The following SLC38A1 variants were observed in gnomAD, a reference collection of about 807,000 sequenced individuals.
SLC38A1 encodes the protein solute carrier family 38 member 1.
A neutral mutation model predicts 60.3 loss-of-function variants in SLC38A1; 18 were observed. The ratio of observed to expected loss-of-function variants is 0.30; its 90% CI spans 0.21 to 0.44. The LOEUF (loss-of-function observed/expected upper bound fraction) is 0.44. SLC38A1 is among the 20% of genes least tolerant of loss of function. SLC38A1 has a pLI of 1.00. For synonymous variants in SLC38A1, 196 were observed against 212.1 expected (o/e 0.92, Z 0.66); for missense variants, 448 against 587.2 (o/e 0.76, Z 2.45).
chr12:46,221,119 G>A (rs546153942), intron 5 of SLC38A1, among the ~76,000 whole-genome samples: 1 of 152,220 alleles, frequency 6.6e-6, no homozygotes, highest in Non-Finnish European at 1.5e-5. Context: ...TTGTAAACAT[G>A]GATCATAGAC....
chr12:46,202,956 T>TTA, intron 12 of SLC38A1, 54 bp downstream of exon 12: 3 of 1,351,082 alleles, frequency 2.2e-6, no homozygotes, highest in Non-Finnish European at 2.1e-6. Context: ...CATACTTGCC[T>TTA]ATTAATGAGG....
intron 16 of SLC38A1, among the ~76,000 whole-genome samples, chr12:46,193,302 G>C (rs1002954065): frequency 4.6e-5 from 7 of 152,158 alleles, no homozygotes; most frequent in African/African-American, 1.4e-4. Context: ...GAGACAGTTT[G>C]CTGTGATTTC....
At chr12:46,264,073 C>T (rs1942280391) in intron 1 of SLC38A1, among the ~76,000 whole-genome samples, 1 of 152,224 alleles carries the variant, frequency 6.6e-6, no homozygotes. Context: ...GAGTTGAAGT[C>T]TTGGCACTGA....
At chr12:46,198,442 T>C (rs1053299380) in intron 14 of SLC38A1, among the ~76,000 whole-genome samples, 183 bp downstream of exon 14, 11 of 152,232 alleles carry the variant, frequency 7.2e-5, no homozygotes, top group Non-Finnish European at 1.3e-4. Context: ...AGAGGCTCCC[T>C]GACGCACTGA....
intron 3 of SLC38A1, among the ~76,000 whole-genome samples, chr12:46,234,660 G>A (rs969339026): frequency 1.4e-3 from 208 of 152,080 alleles, no homozygotes; most frequent in African/African-American, 4.8e-3. Context: ...TGTTAGCCAG[G>A]ATGGTATCGA....
At position 46,268,027 on chromosome 12, in the gene SLC38A1, C is replaced by G. The variant is rs1383463392; in HGVS notation, c.-209+499G>C. On this transcript the variant is annotated intron_variant, in intron 1 of 16. Transcript: ENST00000398637. The surrounding 1 kb of genome is among the most constrained non-coding windows in gnomAD (Gnocchi z 4.4). ...TTTAGTGGTGGTCCGCGGCCGCTACCCAGCCGGCCGCACGCAGCACCCCCC... is the reference window on the plus strand; with the variant it reads ...TTTAGTGGTGGTCCGCGGCCGCTACGCAGCCGGCCGCACGCAGCACCCCCC... Among the ~76,000 whole-genome samples the G allele has an allele frequency of 6.6e-6, 1 of 152,196 alleles. No individual in the cohort carries two copies. Among genetic ancestry groups the G allele is most frequent in the Non-Finnish European group, 1.5e-5 (1 of 68,030 alleles).
chr12:46,256,259 G>A (rs745577876), intron 1 of SLC38A1, among the ~76,000 whole-genome samples: 8 of 150,714 alleles, frequency 5.3e-5, no homozygotes, highest in African/African-American at 9.8e-5. Flanking sequence ...TAGACCAAAT[G>A]TCTTTATTTT....
In SLC38A1 at chr12:46,209,987, G is replaced by A. The variant is rs536773249; in HGVS notation, c.315-860C>T. On this transcript the variant is annotated intron_variant, in intron 5 of 16. Coordinates refer to ENST00000398637, the MANE Select transcript of SLC38A1 (RefSeq NM_030674.4). ...TGAAACCGCTCACTTCCTGATGTGG[G>A]AAAATATATCCCTAGAACAATACAT... Among the ~76,000 whole-genome samples, 12 of 152,272 alleles carry A rather than the reference G, an allele frequency of 7.9e-5. No individual in the cohort carries two copies. The South Asian group carries it at 2.5e-3, about 32-fold the overall frequency.
intron 16 of SLC38A1, among the ~76,000 whole-genome samples, chr12:46,190,218 T>C (rs1939089095): frequency 6.6e-6 from 1 of 152,136 alleles, no homozygotes. Flanking sequence ...ATAGTTTGCT[T>C]AAAATGATGG....
intron 4 of SLC38A1, 64 bp downstream of exon 4, chr12:46,229,500 A>G: frequency 7.8e-7 from 1 of 1,289,266 alleles, no homozygotes; most frequent in South Asian, 1.2e-5. Context: ...TACTTGAATT[A>G]AAAAGATTTG....
intron 5 of SLC38A1, among the ~76,000 whole-genome samples, chr12:46,228,086 G>C (rs1940934670): frequency 6.6e-6 from 1 of 152,180 alleles, no homozygotes; most frequent in Non-Finnish European, 1.5e-5. Flanking sequence ...GAGGAGGCTA[G>C]AGTTAGGTTC....
At chr12:46,258,301 C>T (rs1942095894) in intron 1 of SLC38A1, among the ~76,000 whole-genome samples, 1 of 152,228 alleles carries the variant, frequency 6.6e-6, no homozygotes, top group South Asian at 2.1e-4. Context: ...TCATTTTACT[C>T]AGCTCCTATT....
At chr12:46,249,168 A>AAAAAAAAAAAAAAAAAAAAAAG (rs555103632) in intron 1 of SLC38A1, among the ~76,000 whole-genome samples, 1 of 126,440 alleles carries the variant, frequency 7.9e-6, no homozygotes, top group African/African-American at 2.9e-5. Context: ...AAAAAAAAAA[A>AAAAAAAAAAAAAAAAAAAAAAG]AAAAAAAGAA....
chr12:46,190,226 T>A (rs1939089892), intron 16 of SLC38A1, among the ~76,000 whole-genome samples: 1 of 152,160 alleles, frequency 6.6e-6, no homozygotes, highest in South Asian at 2.1e-4. Context: ...CTTAAAATGA[T>A]GGTTTCTAGC....
chr12:46,213,352 C>A (rs1940260958), intron 5 of SLC38A1, among the ~76,000 whole-genome samples: 2 of 152,164 alleles, frequency 1.3e-5, no homozygotes, highest in African/African-American at 4.8e-5. Context: ...AAGCTAAGTG[C>A]CAGTCCTATA....
In SLC38A1 at chr12:46,267,055, G is replaced by A. The variant is rs145986790; in HGVS notation, c.-209+1471C>T. 6.0e-3 allele frequency among the ~76,000 whole-genome samples: 916 copies of A among 152,292 alleles called. 10 individuals are homozygous for A. The highest frequency in any genetic ancestry group is 0.02 in the African/African-American group (832 of 41,570). ...TATTTCCGTTGTCCTTCTGACGTCAGAAAAAGCACGAGTTGCTGCACAGTT... is the reference window on the plus strand; with the variant it reads ...TATTTCCGTTGTCCTTCTGACGTCAAAAAAAGCACGAGTTGCTGCACAGTT... On this transcript the variant is annotated intron_variant, in intron 1 of 16. Transcript: ENST00000398637.
Position 46,252,745 on chromosome 12 carries a change from GTTCT to G in SLC38A1, c.-208-9435_-208-9432del, listed in dbSNP as rs565465859. Among the ~76,000 whole-genome samples, 371 of 152,008 alleles carry G rather than the reference GTTCT, an allele frequency of 2.4e-3. 1 individual carries two copies. The highest frequency in any genetic ancestry group is 0.01 in the Middle Eastern group (3 of 294). ...ATGGTTTTTCTATGCACATAGAAAT[GTTCT>G]TTCTATGTTCGTTGCAGCATTATTC... On this transcript the variant is annotated intron_variant, in intron 1 of 16. Coordinates refer to ENST00000398637, the MANE Select transcript of SLC38A1 (RefSeq NM_030674.4).
chr12:46,259,079 T>C (rs1034822161), intron 1 of SLC38A1, among the ~76,000 whole-genome samples: 3 of 152,216 alleles, frequency 2.0e-5, no homozygotes, highest in African/African-American at 7.2e-5. Flanking sequence ...CGTGAGATGA[T>C]GGATATATTA....
chr12:46,183,622 G>C lies in SLC38A1; in HGVS notation c.*5348C>G, dbSNP rs1045030834. On this transcript the variant is annotated 3_prime_UTR_variant, in exon 17 of 17. Coordinates refer to ENST00000398637, the MANE Select transcript of SLC38A1 (RefSeq NM_030674.4). ...TCATATGTACTGTGTAGTGGTATCA[G>C]TGTTAAAAATGGAAGATCATTATGA... is the stretch of plus-strand genomic sequence containing the variant. 6.6e-6 allele frequency: 1 copy of C among 152,176 alleles called. No individual in the cohort carries two copies. The highest frequency in any genetic ancestry group is 1.5e-5 in the Non-Finnish European group (1 of 68,036). The allele number at this position is 152,176 out of a possible 1,614,324, so 9.4% of individuals were successfully genotyped here.
Sources: gnomAD v4.1 joint callset for allele counts (sites outside exome capture counted in the v4.1 genomes callset) on GRCh38, gnomAD v4.1.1 for gene constraint, Gnocchi (gnomAD v3.1) non-coding constraint, MANE v1.5 for transcripts, NCBI Gene and HGNC (gene_info 2026-07-23, HGNC 2026-07-21) for gene names.